The following ERC2 variants were observed in gnomAD, a reference collection of about 807,000 sequenced individuals.
ERC2 encodes the protein ELKS/RAB6-interacting/CAST family member 2, also known as ERC protein 2.
A neutral mutation model predicts 114.8 loss-of-function variants in ERC2; 42 were observed. The ratio of observed to expected loss-of-function variants is 0.37; its 90% CI spans 0.29 to 0.47. ERC2 has a LOEUF of 0.47. Among genes scored for constraint, ERC2 ranks in the 20% least tolerant of loss-of-function variants. The pLI is 0.99. For synonymous variants in ERC2, 454 were observed against 425.5 expected, an observed-to-expected ratio of 1.07 and a Z score of -0.82; for missense variants, 939 against 1,150.7, an observed-to-expected ratio of 0.82 and a Z score of 2.66.
At chr3:55,921,527 A>G (rs1438131682) in intron 13 of ERC2, among the ~76,000 whole-genome samples, 1 of 152,148 alleles carries the variant, frequency 6.6e-6, no homozygotes, top group Non-Finnish European at 1.5e-5. Context: ...CGCAAACTGA[A>G]CAATCAACCT....
intron 13 of ERC2, among the ~76,000 whole-genome samples, chr3:55,926,275 C>T (rs1470314571): frequency 6.6e-6 from 1 of 151,930 alleles, no homozygotes; most frequent in Admixed American, 6.6e-5. Flanking sequence ...AGCAAAACGT[C>T]CAGAAGCTTG....
chr3:56,329,877 T>C (rs116208626), intron 2 of ERC2, among the ~76,000 whole-genome samples: 5,364 of 146,312 alleles, frequency 0.037, 206 homozygotes, highest in African/African-American at 0.099. Context: ...ATATTTCCAC[T>C]ATATATATTT....
chr3:55,730,097 T>C (rs1575411939), intron 15 of ERC2, among the ~76,000 whole-genome samples: 1 of 152,204 alleles, frequency 6.6e-6, no homozygotes, highest in East Asian at 1.9e-4. Flanking sequence ...TGATGACAGC[T>C]GTGAGGTATG....
At chr3:56,189,259 C>T (rs577197797) in intron 3 of ERC2, among the ~76,000 whole-genome samples, 45 of 152,354 alleles carry the variant, frequency 3.0e-4, no homozygotes, top group African/African-American at 1.1e-3. Context: ...CAGACCACTG[C>T]TCTCTTCTAA....
chr3:56,143,494 G>T (rs2080978688), intron 5 of ERC2, among the ~76,000 whole-genome samples: 2 of 152,128 alleles, frequency 1.3e-5, no homozygotes, highest in Non-Finnish European at 2.9e-5. Context: ...CATGAGATCC[G>T]ATGGTTTTAT....
chr3:55,747,377 T>C (rs1277000664), intron 14 of ERC2, among the ~76,000 whole-genome samples: 1 of 152,186 alleles, frequency 6.6e-6, no homozygotes, highest in Non-Finnish European at 1.5e-5. Flanking sequence ...TCAGCATTTC[T>C]GTACTTGCCA....
rs374171793 is a variant in ERC2, at chr3:56,037,338, C to T, written c.1642-18307G>A. On this transcript the variant is annotated intron_variant, in intron 7 of 17. Transcript: ENST00000288221. ...CACAGGAGCTGTGAATGAGAATAAC[C>T]GGTTTAGAGAGGAACATAAATGACT... 1.1e-4 allele frequency among the ~76,000 whole-genome samples: 16 copies of T among 152,176 alleles called. No individual in the cohort carries two copies. In the East Asian group the frequency reaches 2.5e-3, roughly 24 times the overall value.
At chr3:55,737,732 A>T (rs1253849638) in intron 14 of ERC2, among the ~76,000 whole-genome samples, 2 of 152,206 alleles carry the variant, frequency 1.3e-5, no homozygotes, top group African/African-American at 4.8e-5. Context: ...GTTGAGAAAC[A>T]ATTCTCTATG....
At chr3:56,150,024 G>A (rs2081338342) in intron 4 of ERC2, among the ~76,000 whole-genome samples, 2 of 152,104 alleles carry the variant, frequency 1.3e-5, no homozygotes, top group South Asian at 4.1e-4. Context: ...GCTTCAATCG[G>A]TCTTTGAAAT....
chr3:55,783,692 C>G (rs2069244571), intron 14 of ERC2, among the ~76,000 whole-genome samples: 1 of 151,576 alleles, frequency 6.6e-6, no homozygotes, highest in Non-Finnish European at 1.5e-5. Context: ...GGAGAATGCC[C>G]ATCCTTGAGA....
At chr3:55,522,160 G>C (rs1423527703) in intron 17 of ERC2, among the ~76,000 whole-genome samples, 1 of 152,134 alleles carries the variant, frequency 6.6e-6, no homozygotes, top group East Asian at 1.9e-4. Context: ...CACCAATTCA[G>C]AGTTTCCCCG....
intron 17 of ERC2, among the ~76,000 whole-genome samples, chr3:55,578,422 C>A (rs889452023): frequency 2.6e-5 from 4 of 152,170 alleles, no homozygotes; most frequent in African/African-American, 9.7e-5. Flanking sequence ...ACAGTCTGCA[C>A]CTCCTTTCAT....
At chr3:55,995,417 A>T (rs1350091936) in intron 10 of ERC2, among the ~76,000 whole-genome samples, 3 of 152,204 alleles carry the variant, frequency 2.0e-5, no homozygotes, top group African/African-American at 7.2e-5. Flanking sequence ...CTCTATATCA[A>T]TATCTACTGA....
At chr3:55,774,075 C>CCCCA (rs1286961960) in intron 14 of ERC2, among the ~76,000 whole-genome samples, 5 of 152,156 alleles carry the variant, frequency 3.3e-5, no homozygotes, top group Non-Finnish European at 7.4e-5. Context: ...CAGTAATTAA[C>CCCCA]CCCACCGCCT....
At chr3:56,433,019 A>T (rs1298683804) in intron 2 of ERC2, among the ~76,000 whole-genome samples, 2 of 152,124 alleles carry the variant, frequency 1.3e-5, no homozygotes, top group Non-Finnish European at 2.9e-5. Context: ...ACAAAAAAAA[A>T]TAATTTTAAT....
intron 3 of ERC2, among the ~76,000 whole-genome samples, chr3:56,258,153 G>C (rs72873430): frequency 0.024 from 3,688 of 152,272 alleles, 138 homozygotes; most frequent in African/African-American, 0.084. Flanking sequence ...GCAGATCCTA[G>C]ACTCTAGGAC....
chr3:55,799,895 A>G (rs1385325454), intron 14 of ERC2, among the ~76,000 whole-genome samples: 1 of 152,086 alleles, frequency 6.6e-6, no homozygotes, highest in Non-Finnish European at 1.5e-5. Flanking sequence ...ACTGCTATAT[A>G]ATAGGGATAA....
chr3:56,173,200 A>G (rs898182129), intron 4 of ERC2, among the ~76,000 whole-genome samples: 25 of 152,334 alleles, frequency 1.6e-4, no homozygotes, highest in African/African-American at 5.8e-4. Context: ...TGCTTTGAAA[A>G]GGAACCCAGC....
intron 14 of ERC2, among the ~76,000 whole-genome samples, chr3:55,785,821 T>C (rs1360567205): frequency 6.6e-6 from 1 of 152,238 alleles, no homozygotes; most frequent in Non-Finnish European, 1.5e-5. Context: ...ACTGATAACT[T>C]CTTTAACACA....
Sources: gnomAD v4.1 joint callset for allele counts (sites outside exome capture counted in the v4.1 genomes callset) on GRCh38, gnomAD v4.1.1 for gene constraint, MANE v1.5 for transcripts, NCBI Gene and HGNC (gene_info 2026-07-23, HGNC 2026-07-21) for gene names.